PPFIA2: variants seen among roughly 807,000 people sequenced by gnomAD.
PPFIA2 encodes the protein liprin-alpha-2.
PPFIA2 carries 46 observed loss-of-function variants against 175.5 expected under a neutral mutation model. The observed-to-expected ratio is 0.26, with a 90% CI of 0.21 to 0.34. PPFIA2 has a LOEUF of 0.34. PPFIA2 is among the 10% of genes least tolerant of loss of function. PPFIA2 has a pLI of 1.00. For missense variants in PPFIA2, 1,179 were observed against 1,506.1 expected, an observed-to-expected ratio of 0.78 and a Z score of 3.60; for synonymous variants, 568 against 511.4, an observed-to-expected ratio of 1.11 and a Z score of -1.49.
intron 8 of PPFIA2, among the ~76,000 whole-genome samples, chr12:81,402,276 C>T (rs1042064058): frequency 1.3e-5 from 2 of 151,988 alleles, no homozygotes; most frequent in Non-Finnish European, 1.5e-5. Flanking sequence ...CTACAGTCAT[C>T]GTTGATAATC....
At chr12:81,757,347 A>G (rs2153670719) in intron 2 of PPFIA2, among the ~76,000 whole-genome samples, 1 of 152,324 alleles carries the variant, frequency 6.6e-6, no homozygotes, top group South Asian at 2.1e-4. Context: ...CTGAAAAGCC[A>G]GAAAGGGCAT....
At chr12:81,682,627 T>C (rs2073838660) in intron 3 of PPFIA2, among the ~76,000 whole-genome samples, 1 of 152,110 alleles carries the variant, frequency 6.6e-6, no homozygotes, top group Non-Finnish European at 1.5e-5. Flanking sequence ...GTCTTTAAAA[T>C]ATTTAATGAA....
rs56990168 is a variant in PPFIA2, at chr12:81,630,899, A to ATTTT, written c.303+45888_303+45891dup. On this transcript the variant is annotated intron_variant, in intron 4 of 32. Transcript: ENST00000549396. ...GGAAAGGCTATATATATATATATATATTTTTTTTTTTTTTCCAGACAGAGT... is the reference window on the plus strand; with the variant it reads ...GGAAAGGCTATATATATATATATATATTTTTTTTTTTTTTTTTTCCAGACAGAGT... Among the ~76,000 whole-genome samples the ATTTT allele has an allele frequency of 5.6e-5, 6 of 106,478 alleles. No individual in the cohort carries two copies. In the East Asian group the frequency reaches 9.5e-4, roughly 17 times the overall value. 69.9% of individuals were successfully genotyped at this position (106,478 alleles called of 152,430 possible).
chr12:81,341,835 C>T (rs950911744), intron 19 of PPFIA2, among the ~76,000 whole-genome samples: 1 of 152,190 alleles, frequency 6.6e-6, no homozygotes, highest in South Asian at 2.1e-4. Flanking sequence ...TATACATACT[C>T]AGGCTATCAT....
chr12:81,283,506 C>G (rs1300720193), intron 25 of PPFIA2, among the ~76,000 whole-genome samples: 1 of 151,860 alleles, frequency 6.6e-6, no homozygotes, highest in Non-Finnish European at 1.5e-5. Context: ...CAAAACAAGA[C>G]AAAAACCAAG....
chr12:81,522,759 C>T (rs941302317), intron 4 of PPFIA2, among the ~76,000 whole-genome samples: 10 of 152,124 alleles, frequency 6.6e-5, no homozygotes, highest in African/African-American at 1.2e-4. Context: ...CTTCACAGAA[C>T]GGTTTTTCTC....
At chr12:81,706,416 G>A (rs1381602521) in intron 3 of PPFIA2, among the ~76,000 whole-genome samples, 3 of 152,016 alleles carry the variant, frequency 2.0e-5, no homozygotes, top group African/African-American at 7.2e-5. Context: ...TATCTTTACT[G>A]TTACTTTTAT....
At chr12:81,415,212 TATATATATATATATATATA>T (rs1219771390) in intron 7 of PPFIA2, among the ~76,000 whole-genome samples, 780 of 14,618 alleles carry the variant, frequency 0.053, 32 homozygotes, top group African/African-American at 0.066. Flanking sequence ...AAAAAAAAAA[TATATATATATATATATATA>T]TATATATATA....
At chr12:81,509,495 ATTAGGGG>A (rs1202232651) in intron 4 of PPFIA2, among the ~76,000 whole-genome samples, 1 of 151,966 alleles carries the variant, frequency 6.6e-6, no homozygotes, top group East Asian at 1.9e-4. Flanking sequence ...TCCCAAGGAG[ATTAGGGG>A]CCTTGGTGCC....
intron 4 of PPFIA2, among the ~76,000 whole-genome samples, chr12:81,548,209 T>G (rs921119972): frequency 6.6e-6 from 1 of 152,244 alleles, no homozygotes; most frequent in African/African-American, 2.4e-5. Flanking sequence ...TTTTCTAAAC[T>G]CTAAGCTCTA....
chr12:81,330,843 A>G (rs77693800), intron 21 of PPFIA2, among the ~76,000 whole-genome samples: 4,214 of 152,320 alleles, frequency 0.028, 180 homozygotes, highest in African/African-American at 0.096. Flanking sequence ...TAATTGTTCA[A>G]CATCTGTTAG....
chr12:81,349,371 C>T (rs1184556184), intron 17 of PPFIA2, among the ~76,000 whole-genome samples: 1 of 152,166 alleles, frequency 6.6e-6, no homozygotes, highest in Non-Finnish European at 1.5e-5. Context: ...TTATGAGGCA[C>T]ATTTACACTT....
At chr12:81,280,447 T>A (rs1221998244) in intron 27 of PPFIA2, among the ~76,000 whole-genome samples, 7 of 152,118 alleles carry the variant, frequency 4.6e-5, no homozygotes, top group Non-Finnish European at 1.0e-4. Flanking sequence ...CATATCTAAT[T>A]TTTATACCAT....
At chr12:81,450,962 A>T (rs914271516) in intron 5 of PPFIA2, among the ~76,000 whole-genome samples, 1 of 152,160 alleles carries the variant, frequency 6.6e-6, no homozygotes, top group African/African-American at 2.4e-5. Context: ...TGATAGAAAT[A>T]AGATAGAGTT....
chr12:81,626,206 T>G (rs980016601), intron 4 of PPFIA2, among the ~76,000 whole-genome samples: 21 of 151,656 alleles, frequency 1.4e-4, no homozygotes, highest in African/African-American at 4.8e-4. Flanking sequence ...GGATTCATAC[T>G]AGGTTAAAAA....
At chr12:81,675,843 T>C (rs574627414) in intron 4 of PPFIA2, among the ~76,000 whole-genome samples, 1 of 152,182 alleles carries the variant, frequency 6.6e-6, no homozygotes, top group South Asian at 2.1e-4. Context: ...TTTTTCCACA[T>C]AAATACTTAT....
At chr12:81,620,217 G>A (rs12579231) in intron 4 of PPFIA2, among the ~76,000 whole-genome samples, 8,973 of 149,596 alleles carry the variant, frequency 0.06, 399 homozygotes, top group East Asian at 0.22. Flanking sequence ...TAAGTTGACT[G>A]GATAAATAAA....
At position 81,374,780 on chromosome 12, in the gene PPFIA2, A is replaced by T; in HGVS notation, c.1132-12T>A. Reference sequence around the variant, plus strand: ...TTTTTCTCTTCCATCTGAAATGGGAATGGGAGCAGAGACACTTAAAGAGTC... The same window carrying T: ...TTTTTCTCTTCCATCTGAAATGGGATTGGGAGCAGAGACACTTAAAGAGTC... On this transcript the variant is annotated splice_polypyrimidine_tract_variant and intron_variant, in intron 10 of 32. Coordinates refer to ENST00000549396, the MANE Select transcript of PPFIA2 (RefSeq NM_003625.5). 1 of 1,609,496 alleles carries T rather than the reference A, an allele frequency of 6.2e-7. No individual in the cohort carries two copies. Among genetic ancestry groups the T allele is most frequent in the Non-Finnish European group, 8.5e-7 (1 of 1,177,302 alleles).
chr12:81,528,290 G>A (rs1474208490), intron 4 of PPFIA2, among the ~76,000 whole-genome samples: 1 of 152,010 alleles, frequency 6.6e-6, no homozygotes, highest in Non-Finnish European at 1.5e-5. Flanking sequence ...AGTGATATGG[G>A]TAACAAGAAT....
Sources: gnomAD v4.1 joint callset for allele counts (sites outside exome capture counted in the v4.1 genomes callset) on GRCh38, gnomAD v4.1.1 for gene constraint, MANE v1.5 for transcripts, NCBI Gene and HGNC (gene_info 2026-07-23, HGNC 2026-07-21) for gene names.